The following LIMCH1 variants were observed in gnomAD, a reference collection of about 807,000 sequenced individuals.
LIMCH1 encodes the protein LIM and calponin homology domains-containing protein 1.
In LIMCH1, 113 loss-of-function variants were observed where a neutral mutation model predicts 176.5. That is an observed-to-expected ratio of 0.64 (90% CI 0.55 to 0.75). The LOEUF (loss-of-function observed/expected upper bound fraction) is 0.75. Among genes scored for constraint, LIMCH1 ranks in the 30% least tolerant of loss-of-function variants. LIMCH1 has a pLI of 0.00. For synonymous variants in LIMCH1, 619 were observed against 645.9 expected (o/e 0.96, Z 0.63); for missense variants, 1,674 against 1,814.9 (o/e 0.92, Z 1.41).
At chr4:41,610,437 G>A (rs1347951232) in intron 4 of LIMCH1, among the ~76,000 whole-genome samples, 1 of 152,114 alleles carries the variant, frequency 6.6e-6, no homozygotes, top group African/African-American at 2.4e-5. Context: ...GAGAGATAGA[G>A]GAGTGTCAGG....
chr4:41,536,930 A>C (rs1249551959), upstream of LIMCH1, among the ~76,000 whole-genome samples: 1 of 152,196 alleles, frequency 6.6e-6, no homozygotes, highest in Non-Finnish European at 1.5e-5. Context: ...TAACTGTGAT[A>C]AATGTAGATG....
intron 2 of LIMCH1, among the ~76,000 whole-genome samples, chr4:41,509,106 T>C (rs889875254): frequency 1.3e-5 from 2 of 151,756 alleles, no homozygotes; most frequent in African/African-American, 4.8e-5. Flanking sequence ...CGAAAGGGGG[T>C]ATTAACCAGA....
chr4:41,364,445 C>T (rs76720451), intron 1 of LIMCH1, among the ~76,000 whole-genome samples: 1,834 of 152,098 alleles, frequency 0.012, 30 homozygotes, highest in African/African-American at 0.042. Context: ...CCAGATTTCC[C>T]GGGTAGAAAA....
intron 1 of LIMCH1, among the ~76,000 whole-genome samples, chr4:41,597,321 A>T (rs1244436499): frequency 1.3e-5 from 2 of 152,188 alleles, no homozygotes; most frequent in African/African-American, 4.8e-5. Context: ...ATAAAGTTGT[A>T]CAGGAATTAA....
At chr4:41,524,171 C>T (rs1010682372) in intron 2 of LIMCH1, among the ~76,000 whole-genome samples, 2 of 152,212 alleles carry the variant, frequency 1.3e-5, no homozygotes, top group Non-Finnish European at 2.9e-5. Context: ...TCAGTCTCTA[C>T]CTTTTCTCAT....
At chr4:41,440,135 A>G (rs2062549314) in intron 1 of LIMCH1, among the ~76,000 whole-genome samples, 1 of 152,216 alleles carries the variant, frequency 6.6e-6, no homozygotes. Flanking sequence ...TATTAAATAA[A>G]CTTGAGCATT....
At chr4:41,537,431 A>G (rs1446250022), upstream of LIMCH1, among the ~76,000 whole-genome samples, 2 of 152,252 alleles carry the variant, frequency 1.3e-5, no homozygotes, top group East Asian at 1.9e-4. Flanking sequence ...AGCCATAACC[A>G]TAAATACTAG....
At chr4:41,612,851 C>CT (rs61338165) in intron 4 of LIMCH1, 35,526 of 1,070,290 alleles carry the variant, frequency 0.033, 232 homozygotes, top group African/African-American at 0.1. Flanking sequence ...CATTGCCTTT[C>CT]TTTTTTTTTT....
intron 1 of LIMCH1, among the ~76,000 whole-genome samples, chr4:41,486,911 A>G (rs2069654653): frequency 6.6e-6 from 1 of 151,600 alleles, no homozygotes; most frequent in African/African-American, 2.4e-5. Context: ...CTTCCCAAGT[A>G]GCTGGGATTA....
chr4:41,502,029 T>C (rs1443258881), intron 2 of LIMCH1, among the ~76,000 whole-genome samples: 3 of 151,878 alleles, frequency 2.0e-5, no homozygotes, highest in Non-Finnish European at 4.4e-5. Context: ...ATCCATGAGC[T>C]ATTCTTCCTG....
At chr4:41,557,209 A>ACCAG (rs1288393278) in intron 1 of LIMCH1, among the ~76,000 whole-genome samples, 1 of 152,168 alleles carries the variant, frequency 6.6e-6, no homozygotes, top group Non-Finnish European at 1.5e-5. Flanking sequence ...TAGCATCAAT[A>ACCAG]CCAGGATGGA....
At chr4:41,517,107 G>A (rs538646629) in intron 2 of LIMCH1, among the ~76,000 whole-genome samples, 2 of 152,272 alleles carry the variant, frequency 1.3e-5, no homozygotes, top group South Asian at 4.1e-4. Context: ...GTTATTTAGG[G>A]ACACCAGCTA....
intron 7 of LIMCH1, among the ~76,000 whole-genome samples, chr4:41,624,101 T>C (rs1257345521): frequency 6.6e-6 from 1 of 152,200 alleles, no homozygotes; most frequent in Non-Finnish European, 1.5e-5. Flanking sequence ...TGAATTAAAA[T>C]GCCATGGAGA....
chr4:41,446,654 T>A (rs2063319876), intron 1 of LIMCH1, among the ~76,000 whole-genome samples: 1 of 152,198 alleles, frequency 6.6e-6, no homozygotes, highest in Admixed American at 6.5e-5. Context: ...CTAGGAGGAA[T>A]TTAAAGAAAT....
chr4:41,441,351 G>T (rs1246689732), intron 1 of LIMCH1, among the ~76,000 whole-genome samples: 1 of 152,100 alleles, frequency 6.6e-6, no homozygotes, highest in Non-Finnish European at 1.5e-5. Flanking sequence ...ATTTGTCTTA[G>T]TTCCCTTGGC....
rs115738901 is a variant in LIMCH1, at chr4:41,548,022, A to G, written c.-241+9672A>G. Among the ~76,000 whole-genome samples, 1,478 of 151,496 alleles carry G rather than the reference A, an allele frequency of 9.8e-3. 14 individuals are homozygous for G. The highest frequency in any genetic ancestry group is 0.032 in the African/African-American group (1,305 of 41,322). Reference sequence around the variant, plus strand: ...ACCTCTATTTTCCCATCTATTAAATAGCATAGTAATAGTACCTAACTCATT... The same window carrying G: ...ACCTCTATTTTCCCATCTATTAAATGGCATAGTAATAGTACCTAACTCATT... On this transcript the variant is annotated intron_variant, in intron 1 of 31. Coordinates refer to ENST00000503057, the MANE Select transcript of LIMCH1 (RefSeq NM_001330672.2).
intron 1 of LIMCH1, among the ~76,000 whole-genome samples, chr4:41,587,026 C>A (rs2152705299): frequency 6.6e-6 from 1 of 152,320 alleles, no homozygotes; most frequent in East Asian, 1.9e-4. Flanking sequence ...ATGCTCACTT[C>A]ATTTTGTAGT....
At chr4:41,428,189 G>A (rs2061289496) in intron 1 of LIMCH1, among the ~76,000 whole-genome samples, 1 of 152,122 alleles carries the variant, frequency 6.6e-6, no homozygotes, top group Non-Finnish European at 1.5e-5. Context: ...GACAGTATGA[G>A]GTCGTGGTAA....
intron 1 of LIMCH1, among the ~76,000 whole-genome samples, chr4:41,413,627 G>A (rs1467811715): frequency 6.6e-6 from 1 of 151,888 alleles, no homozygotes; most frequent in Non-Finnish European, 1.5e-5. Context: ...TGTGACCCTG[G>A]CCTATAATTA....
Sources: gnomAD v4.1 joint callset for allele counts (sites outside exome capture counted in the v4.1 genomes callset) on GRCh38, gnomAD v4.1.1 for gene constraint, MANE v1.5 for transcripts, NCBI Gene and HGNC (gene_info 2026-07-23, HGNC 2026-07-21) for gene names.